Variants in SFMBT2 observed in about 807,000 individuals in gnomAD.
SFMBT2 encodes Scm like with four mbt domains 2, also known as scm-like with four MBT domains protein 2.
Under a neutral mutation model 110.1 loss-of-function variants are expected in SFMBT2, and 38 were observed. That is an observed-to-expected ratio of 0.35 (90% CI 0.27 to 0.45). The LOEUF is 0.45. SFMBT2 is among the 20% of genes least tolerant of loss of function. The probability of loss-of-function intolerance (pLI) is 1.00; values close to 1 mark genes in which losing one functional copy is unlikely to be tolerated. For missense variants in SFMBT2, 1,011 were observed against 1,094.9 expected (o/e 0.92, Z 1.08); for synonymous variants, 425 against 425.4 (o/e 1.00, Z 0.01).
intron 4 of SFMBT2, among the ~76,000 whole-genome samples, chr10:7,339,826 C>T (rs1459218018): frequency 6.6e-6 from 1 of 152,188 alleles, no homozygotes; most frequent in Non-Finnish European, 1.5e-5. Flanking sequence ...TTTGAGAATC[C>T]TCTGTTCTAA....
intron 7 of SFMBT2, among the ~76,000 whole-genome samples, chr10:7,275,171 C>A (rs2131820593): frequency 6.6e-6 from 1 of 152,372 alleles, no homozygotes; most frequent in South Asian, 2.1e-4. Context: ...GCTTCACTGG[C>A]CTGGCAGCTC....
At chr10:7,202,756 A>C in intron 12 of SFMBT2, 1 of 985,364 alleles carries the variant, frequency 1.0e-6, no homozygotes, top group Non-Finnish European at 1.2e-6. Flanking sequence ...TTATCATTAC[A>C]CTAGCTACTT....
intron 3 of SFMBT2, 81 bp downstream of exon 3, chr10:7,370,200 T>C (rs970854340): frequency 3.9e-6 from 5 of 1,287,018 alleles, no homozygotes; most frequent in East Asian, 2.3e-5. Context: ...CCTTCTTCCA[T>C]TGAGTTCTCC....
intron 4 of SFMBT2, among the ~76,000 whole-genome samples, chr10:7,318,105 C>T (rs1843068668): frequency 6.6e-6 from 1 of 152,202 alleles, no homozygotes; most frequent in Non-Finnish European, 1.5e-5. Context: ...GGAGCTGGTA[C>T]TTGTAGGTCT....
intron 8 of SFMBT2, chr10:7,243,979 T>C: frequency 3.2e-6 from 1 of 310,598 alleles, no homozygotes; most frequent in Non-Finnish European, 4.7e-6. Context: ...AGTCAACCAA[T>C]GGCTATAGCT....
Position 7,367,724 on chromosome 10 carries a change from A to T in SFMBT2, c.361T>A (p.Cys121Ser), listed in dbSNP as rs137982565. The T allele has an allele frequency of 5.0e-5, 81 of 1,613,946 alleles. 1 individual carries two copies. In the Middle Eastern group the frequency reaches 1.0e-3, roughly 20 times the overall value. Residue 121 changes from cysteine to serine, a missense_variant, in exon 4 of 21, where the codon TGT (cysteine) becomes AGT (serine). Cys to Ser is a moderately radical substitution (Grantham distance 112). Transcript: ENST00000397167. This position sits in a 1 kb window ranked among gnomAD's most constrained non-coding sequence, Gnocchi z 6.2. ...TGCAAATCCGCGATGACTACGTCAC[A>T]CCAGAAGTCGGCCCTGCGGTCCTCC... is the stretch of plus-strand genomic sequence containing the variant. ...YGEDRRADFW[C>S]DVVIADLHPV... is the part of the protein sequence containing the mutation.
chr10:7,368,544 C>T lies in SFMBT2; in HGVS notation c.196-655G>A, dbSNP rs77968607. Among the ~76,000 whole-genome samples the T allele has an allele frequency of 7.4e-3, 1,121 of 152,302 alleles. 37 individuals carry two copies. The highest frequency in any genetic ancestry group is 0.057 in the Admixed American group (879 of 15,302). On this transcript the variant is annotated intron_variant, in intron 3 of 20. Coordinates refer to ENST00000397167, the MANE Select transcript of SFMBT2 (RefSeq NM_001387889.1). The stretch of plus-strand genomic sequence containing the variant: ...CTACTTTTCCTTTAAACCTGGCATA[C>T]GGACCTGGGGACTTCTGCAGCCTGA...
intron 7 of SFMBT2, among the ~76,000 whole-genome samples, chr10:7,249,955 C>T (rs775241405): frequency 6.6e-5 from 10 of 152,074 alleles, no homozygotes; most frequent in Non-Finnish European, 1.5e-4. Context: ...CGGTCAAATA[C>T]GACAAAACCC....
chr10:7,394,559 C>A (rs890683568), intron 1 of SFMBT2, among the ~76,000 whole-genome samples: 1 of 150,152 alleles, frequency 6.7e-6, no homozygotes, highest in Non-Finnish European at 1.5e-5. Context: ...GCTCCCACTG[C>A]GTCCTTAGGT....
intron 4 of SFMBT2, among the ~76,000 whole-genome samples, chr10:7,332,049 T>C (rs1302960627): frequency 1.4e-5 from 2 of 141,854 alleles, no homozygotes; most frequent in Non-Finnish European, 3.0e-5. Context: ...GAAAGGTGAA[T>C]GGTTACAGCT....
rs755220053 is a variant in SFMBT2 at position 7,302,038 on chromosome 10, A to G, written c.437-16084T>C. 1.7e-4 allele frequency among the ~76,000 whole-genome samples: 26 copies of G among 152,282 alleles called. No individual in the cohort carries two copies. The Middle Eastern group carries it at 0.014, about 80-fold the overall frequency. On this transcript the variant is annotated intron_variant, in intron 4 of 20. Coordinates refer to ENST00000397167, the MANE Select transcript of SFMBT2 (RefSeq NM_001387889.1). ...GTCATAGGTCCACAATTCCAACCAG[A>G]TAACAACAGAAAACTACCAGAAAAC...
chr10:7,167,436 T>C (rs946172049), intron 20 of SFMBT2, among the ~76,000 whole-genome samples: 1 of 152,142 alleles, frequency 6.6e-6, no homozygotes, highest in African/African-American at 2.4e-5. Context: ...AGTTCAGAAT[T>C]TTTGCAAATT....
At chr10:7,409,802 T>C (rs1846322964) in intron 1 of SFMBT2, among the ~76,000 whole-genome samples, 1 of 152,058 alleles carries the variant, frequency 6.6e-6, no homozygotes. Context: ...AAAAGCCACC[T>C]TAGCCCGCCA....
At chr10:7,212,030 G>C (rs190506559) in intron 11 of SFMBT2, among the ~76,000 whole-genome samples, 3 of 152,252 alleles carry the variant, frequency 2.0e-5, no homozygotes, top group African/African-American at 7.2e-5. Context: ...CAAACTCTAG[G>C]CTGCATGAGA....
At chr10:7,221,309 G>A (rs1293850374) in intron 10 of SFMBT2, among the ~76,000 whole-genome samples, 4 of 151,750 alleles carry the variant, frequency 2.6e-5, no homozygotes, top group Non-Finnish European at 5.9e-5. Context: ...GCTCATGCCT[G>A]TAATCCCAGC....
At chr10:7,352,250 C>T (rs147972748) in intron 4 of SFMBT2, among the ~76,000 whole-genome samples, 56 of 152,306 alleles carry the variant, frequency 3.7e-4, no homozygotes, top group Middle Eastern at 6.8e-3. Context: ...AAGGGACGCT[C>T]CAGGTGCCAG....
chr10:7,323,946 A>G (rs1843286521), intron 4 of SFMBT2, among the ~76,000 whole-genome samples: 1 of 152,244 alleles, frequency 6.6e-6, no homozygotes. Context: ...CAACCATCAT[A>G]ATACATACAT....
chr10:7,404,672 A>G (rs185431944), intron 1 of SFMBT2, among the ~76,000 whole-genome samples: 45 of 152,380 alleles, frequency 3.0e-4, no homozygotes, highest in Non-Finnish European at 5.0e-4. Context: ...TCTTTAATCA[A>G]TGTCAAAGAC....
Position 7,172,636 on chromosome 10 carries a change from C to A in SFMBT2, c.2010G>T (p.Lys670Asn), listed in dbSNP as rs535664488. The A allele has an allele frequency of 6.2e-7, 1 of 1,614,054 alleles. No individual in the cohort carries two copies. Among genetic ancestry groups the A allele is most frequent in the African/African-American group, 1.3e-5 (1 of 75,042 alleles). Residue 670 changes from lysine to asparagine, a missense_variant, in exon 18 of 21, where the codon AAG (lysine) becomes AAT (asparagine). Lys to Asn is a moderately conservative substitution (Grantham distance 94, BLOSUM62 0). Around this residue, in one of 2 missense-constraint regions of SFMBT2, gnomAD observed 979 missense variants for 1,016.1 expected, o/e 0.96. Coordinates refer to ENST00000397167, the MANE Select transcript of SFMBT2 (RefSeq NM_001387889.1). This position sits in a 1 kb window ranked among gnomAD's most constrained non-coding sequence, Gnocchi z 4.6. ...KYTYYYGKRK[K>N]ISKPPIGESN... ...TTTCCCCGATGGGGGGCTTGGAGAT[C>A]TTCTTTCTCTTTCCATAGTAATAGG... is the stretch of plus-strand genomic sequence containing the variant.
Sources: gnomAD v4.1 joint callset for allele counts (sites outside exome capture counted in the v4.1 genomes callset) on GRCh38, gnomAD v4.1.1 for gene constraint, gnomAD v4.1.1 regional missense constraint, Gnocchi (gnomAD v3.1) non-coding constraint, MANE v1.5 for transcripts, NCBI Gene and HGNC (gene_info 2026-07-23, HGNC 2026-07-21) for gene names.